TNFAIP8: variants seen among roughly 807,000 people sequenced by gnomAD.
The protein encoded by TNFAIP8 is tumor necrosis factor alpha-induced protein 8.
A neutral mutation model predicts 13.3 loss-of-function variants in TNFAIP8; 7 were observed. The ratio of observed to expected loss-of-function variants is 0.52; its 90% CI spans 0.30 to 0.99. The LOEUF (loss-of-function observed/expected upper bound fraction) is 0.99. Among genes scored for constraint, TNFAIP8 ranks in the 50% least tolerant of loss-of-function variants. The pLI, the probability that TNFAIP8 is intolerant of heterozygous loss-of-function variation, is 0.07. For synonymous variants in TNFAIP8, 94 were observed against 87.6 expected, an observed-to-expected ratio of 1.07 and a Z score of -0.41; for missense variants, 258 against 236.9, an observed-to-expected ratio of 1.09 and a Z score of -0.58.
chr5:119,362,431 A>G (rs953116985), intron 1 of TNFAIP8, among the ~76,000 whole-genome samples: 1 of 152,214 alleles, frequency 6.6e-6, no homozygotes, highest in Non-Finnish European at 1.5e-5. Flanking sequence ...GATCCTACTC[A>G]TGACTTTGTT....
chr5:119,374,920 C>G (rs1429007413), intron 1 of TNFAIP8, among the ~76,000 whole-genome samples: 1 of 151,752 alleles, frequency 6.6e-6, no homozygotes, highest in East Asian at 1.9e-4. Context: ...TTTTGGGGGC[C>G]AATTTTGGGG....
At chr5:119,278,208 G>A (rs1315716988) in intron 1 of TNFAIP8, among the ~76,000 whole-genome samples, 1 of 152,116 alleles carries the variant, frequency 6.6e-6, no homozygotes, top group African/African-American at 2.4e-5. Context: ...TGGCTAAACA[G>A]TGTCATCAGG....
chr5:119,298,638 A>G (rs1749257606), intron 1 of TNFAIP8, among the ~76,000 whole-genome samples: 2 of 151,948 alleles, frequency 1.3e-5, no homozygotes, highest in African/African-American at 4.8e-5. Flanking sequence ...TATTTCCTGA[A>G]TCTGAATGTT....
At chr5:119,374,625 C>G (rs1214393420) in intron 1 of TNFAIP8, among the ~76,000 whole-genome samples, 1 of 152,186 alleles carries the variant, frequency 6.6e-6, no homozygotes, top group African/African-American at 2.4e-5. Flanking sequence ...CTCTTTGCAT[C>G]TTATACTCAA....
intron 1 of TNFAIP8, among the ~76,000 whole-genome samples, chr5:119,385,303 G>C (rs540989615): frequency 6.6e-6 from 1 of 152,202 alleles, no homozygotes; most frequent in Non-Finnish European, 1.5e-5. Flanking sequence ...ACGCCCTGCT[G>C]TTGGATCTCT....
intron 1 of TNFAIP8, among the ~76,000 whole-genome samples, chr5:119,340,866 G>T (rs1313917399): frequency 6.6e-6 from 1 of 152,166 alleles, no homozygotes; most frequent in African/African-American, 2.4e-5. Flanking sequence ...TATGGCCTTA[G>T]TTCACCGAAT....
intron 1 of TNFAIP8, among the ~76,000 whole-genome samples, chr5:119,277,646 T>C (rs1447695022): frequency 6.6e-6 from 1 of 152,250 alleles, no homozygotes; most frequent in East Asian, 1.9e-4. Flanking sequence ...GGGAGTTAAG[T>C]CTTCAGCATA....
chr5:119,360,549 A>T (rs1325559955), intron 1 of TNFAIP8, among the ~76,000 whole-genome samples: 1 of 152,220 alleles, frequency 6.6e-6, no homozygotes, highest in Non-Finnish European at 1.5e-5. Flanking sequence ...TAGAATCACC[A>T]TGATTTAGAG....
At chr5:119,321,743 C>G (rs956805354) in intron 1 of TNFAIP8, among the ~76,000 whole-genome samples, 3 of 152,200 alleles carry the variant, frequency 2.0e-5, no homozygotes, top group African/African-American at 7.2e-5. Context: ...CTCCCCTGTG[C>G]TCTTGCACTG....
At chr5:119,351,790 TTTTTTC>T (rs961357084), upstream of TNFAIP8, among the ~76,000 whole-genome samples, 6 of 143,676 alleles carry the variant, frequency 4.2e-5, no homozygotes, top group South Asian at 4.3e-4. Flanking sequence ...TTCTTTTTCT[TTTTTTC>T]TTTTTTTTTT....
intron 1 of TNFAIP8, among the ~76,000 whole-genome samples, chr5:119,382,055 C>T (rs1752508494): frequency 6.6e-6 from 1 of 152,164 alleles, no homozygotes; most frequent in African/African-American, 2.4e-5. Context: ...GGGTTTCTGA[C>T]ATATAGGTAC....
Position 119,398,018 on chromosome 5 carries a change from G to A in TNFAIP8, c.*4637G>A, listed in dbSNP as rs972609777. 1 of 152,230 alleles carries A rather than the reference G, an allele frequency of 6.6e-6. No individual in the cohort carries two copies. The highest frequency in any genetic ancestry group is 6.5e-5 in the Admixed American group (1 of 15,280). The allele number at this position is 152,230 out of a possible 1,614,324, so 9.4% of individuals were successfully genotyped here. ...GAGCACTGAGAAAGGATATGGACAA[G>A]TCAGTCAGCATTCACAATTAAGAGA... On this transcript the variant is annotated 3_prime_UTR_variant, in exon 2 of 2. Transcript: ENST00000504771.
At chr5:119,307,243 A>G (rs543241243) in intron 1 of TNFAIP8, among the ~76,000 whole-genome samples, 30 of 152,338 alleles carry the variant, frequency 2.0e-4, no homozygotes, top group Admixed American at 7.8e-4. Context: ...CAAATATACT[A>G]TGGTTTAAGA....
At chr5:119,326,299 A>T (rs1158700168) in intron 1 of TNFAIP8, among the ~76,000 whole-genome samples, 1 of 152,196 alleles carries the variant, frequency 6.6e-6, no homozygotes, top group African/African-American at 2.4e-5. Context: ...TAAGTGTCCA[A>T]ATATCACGGA....
rs537545080 is a variant in TNFAIP8 at position 119,377,916 on chromosome 5, A to G, written c.32-14900A>G. ...ACCTACGCAAATGCCTACAGAACCC[A>G]GGAAATGAACAGAAATGTGTAGATG... On this transcript the variant is annotated intron_variant, in intron 1 of 1. Transcript: ENST00000504771. Among the ~76,000 whole-genome samples the G allele has an allele frequency of 4.6e-5, 7 of 152,308 alleles. No homozygotes were observed. The South Asian group carries it at 1.4e-3, about 32-fold the overall frequency.
At chr5:119,272,093 C>A (rs1379943841) in intron 1 of TNFAIP8, among the ~76,000 whole-genome samples, 2 of 152,156 alleles carry the variant, frequency 1.3e-5, no homozygotes, top group Non-Finnish European at 2.9e-5. Flanking sequence ...GAGGTCAGTT[C>A]ATTTTTAGCC....
At chr5:119,306,871 A>G (rs1749583235) in intron 1 of TNFAIP8, among the ~76,000 whole-genome samples, 2 of 152,182 alleles carry the variant, frequency 1.3e-5, no homozygotes, top group South Asian at 4.1e-4. Flanking sequence ...CAAATAAGAC[A>G]TCTTTCTCTT....
intron 1 of TNFAIP8, among the ~76,000 whole-genome samples, chr5:119,297,605 G>A (rs1279753816): frequency 6.6e-6 from 1 of 152,224 alleles, no homozygotes; most frequent in Non-Finnish European, 1.5e-5. Flanking sequence ...GGAGAGTTCT[G>A]TAGATGTCTA....
intron 1 of TNFAIP8, among the ~76,000 whole-genome samples, chr5:119,317,276 C>T (rs931926065): frequency 6.6e-6 from 1 of 151,948 alleles, no homozygotes; most frequent in Non-Finnish European, 1.5e-5. Context: ...AACATTAAAC[C>T]AATAGAAATT....
Sources: allele counts gnomAD v4.1 joint callset (sites outside exome capture counted in the v4.1 genomes callset), GRCh38; gene constraint gnomAD v4.1.1; transcripts MANE v1.5; gene names NCBI Gene and HGNC (gene_info 2026-07-23, HGNC 2026-07-21).